The following FGFR2 variants were observed in gnomAD, a reference collection of about 807,000 sequenced individuals.
FGFR2 encodes the protein BEK fibroblast growth factor receptor.
Under a neutral mutation model 95.9 loss-of-function variants are expected in FGFR2, and 19 were observed. That is an observed-to-expected ratio of 0.20 (90% CI 0.14 to 0.29). FGFR2 has a LOEUF of 0.29. FGFR2 is among the 10% of genes least tolerant of loss of function. FGFR2 has a pLI of 1.00. For missense variants in FGFR2, 707 were observed against 1,056.9 expected (o/e 0.67, Z 4.59); for synonymous variants, 392 against 393.3 (o/e 1.00, Z 0.04).
chr10:121,588,846 G>C (rs1245331598), intron 2 of FGFR2, among the ~76,000 whole-genome samples: 1 of 152,122 alleles, frequency 6.6e-6, no homozygotes, highest in East Asian at 1.9e-4. Context: ...AGCCACGTTT[G>C]ACAATGCAGT....
chr10:121,527,985 A>G (rs1174950302), intron 6 of FGFR2: 1 of 152,254 alleles, frequency 6.6e-6, no homozygotes, highest in Non-Finnish European at 1.5e-5. Context: ...CTTCAGGGGA[A>G]GAAAATGTTT....
intron 4 of FGFR2, among the ~76,000 whole-genome samples, chr10:121,559,565 C>T (rs1856656866): frequency 6.6e-6 from 1 of 152,226 alleles, no homozygotes; most frequent in Non-Finnish European, 1.5e-5. Context: ...CTTTAAATAG[C>T]ATCTAATGTT....
At chr10:121,574,357 C>T (rs1159579302) in intron 2 of FGFR2, among the ~76,000 whole-genome samples, 4 of 151,956 alleles carry the variant, frequency 2.6e-5, no homozygotes, top group Admixed American at 6.6e-5. Flanking sequence ...GACGAAACCC[C>T]GTCTCTACTA....
chr10:121,576,679 G>A (rs1859817254), intron 2 of FGFR2, among the ~76,000 whole-genome samples: 1 of 152,122 alleles, frequency 6.6e-6, no homozygotes, highest in Admixed American at 6.5e-5. Context: ...CCTAATGACA[G>A]TGCTCAGCCA....
intron 9 of FGFR2, among the ~76,000 whole-genome samples, chr10:121,506,058 A>C (rs897816741): frequency 3.9e-5 from 6 of 152,118 alleles, no homozygotes; most frequent in Non-Finnish European, 8.8e-5. Context: ...GCTCCAGCCA[A>C]ACTAGTAAGA....
rs528428164 is a variant in FGFR2 at position 121,505,882 on chromosome 10, T to C, written c.1288-1941A>G. Among the ~76,000 whole-genome samples, 41 of 152,294 alleles carry C rather than the reference T, an allele frequency of 2.7e-4. 1 individual carries two copies. The highest frequency in any genetic ancestry group is 9.4e-4 in the African/African-American group (39 of 41,578). Reference sequence around the variant, plus strand: ...GGCCAATGATGCTTCCCCAAATCTTTCTGTCCTCCTAATTCATTCTGCATC... The same window carrying C: ...GGCCAATGATGCTTCCCCAAATCTTCCTGTCCTCCTAATTCATTCTGCATC... On this transcript the variant is annotated intron_variant, in intron 9 of 17. Transcript: ENST00000358487.
In FGFR2 at chr10:121,495,026, C is replaced by T. The variant is rs150871536; in HGVS notation, c.1863+1506G>A. On this transcript the variant is annotated intron_variant, in intron 13 of 17. Coordinates refer to ENST00000358487, the MANE Select transcript of FGFR2 (RefSeq NM_000141.5). ...TCATCGGCCCCCTTTTATCTGGAAC[C>T]GTCTCCCCAGCAGTTTTTGTCTTTC... 1.6e-3 allele frequency among the ~76,000 whole-genome samples: 249 copies of T among 152,222 alleles called. 1 individual carries two copies. Among genetic ancestry groups the T allele is most frequent in the African/African-American group, 5.2e-3 (215 of 41,526 alleles).
intron 5 of FGFR2, among the ~76,000 whole-genome samples, chr10:121,539,644 G>C (rs1853396987): frequency 6.6e-6 from 1 of 152,184 alleles, no homozygotes; most frequent in Non-Finnish European, 1.5e-5. Flanking sequence ...CTCTACAGGT[G>C]TTTTGGACAA....
intron 9 of FGFR2, among the ~76,000 whole-genome samples, chr10:121,510,492 C>G (rs1290401584): frequency 6.6e-6 from 1 of 152,130 alleles, no homozygotes; most frequent in Non-Finnish European, 1.5e-5. Flanking sequence ...AGGTTTAGAC[C>G]ACCTGATTGA....
intron 9 of FGFR2, 54 bp downstream of exon 9, chr10:121,515,063 G>A (rs2134217315): frequency 6.4e-7 from 1 of 1,551,512 alleles, no homozygotes; most frequent in Non-Finnish European, 8.9e-7. Flanking sequence ...AGATCCACAA[G>A]CTGGCTGGGT....
Position 121,500,874 on chromosome 10 carries a change from T to G in FGFR2, c.1513A>C (p.Lys505Gln). 1.2e-6 allele frequency: 2 copies of G among 1,614,234 alleles called. No homozygotes were observed. Among genetic ancestry groups the G allele is most frequent in the Non-Finnish European group, 1.7e-6 (2 of 1,180,040 alleles). The change falls in exon 11 of 18, where the codon AAA becomes CAA. Residue 505 changes from lysine to glutamine, a missense_variant. Lys to Gln is a moderately conservative substitution (Grantham distance 53). Transcript: ENST00000358487. The stretch of plus-strand genomic sequence containing the variant: ...GTGACCGCCTCCTTGGGCTTGTCTT[T>G]GTCAATTCCCACTGCTTCCGCCATG... ...VVMAEAVGIDKDKPKEAVTVA... is the reference protein window; with the variant it reads ...VVMAEAVGIDQDKPKEAVTVA...
At chr10:121,480,440 TGC>T (rs771190996) in intron 17 of FGFR2, 50 of 285,182 alleles carry the variant, frequency 1.8e-4, no homozygotes, top group Non-Finnish European at 2.5e-4. Flanking sequence ...TTGCTTCAAA[TGC>T]GAGCCCCAGC....
chr10:121,502,615 T>C (rs1423760454), intron 10 of FGFR2, among the ~76,000 whole-genome samples: 1 of 152,208 alleles, frequency 6.6e-6, no homozygotes, highest in Admixed American at 6.5e-5. Context: ...CTGGAAGAGC[T>C]TATCTTTGCA....
At chr10:121,580,664 T>C (rs1393240301) in intron 2 of FGFR2, among the ~76,000 whole-genome samples, 1 of 152,146 alleles carries the variant, frequency 6.6e-6, no homozygotes, top group Non-Finnish European at 1.5e-5. Context: ...ACTTTTCTCC[T>C]GTGTTTTGCA....
At chr10:121,565,743 G>A (rs1857583580) in intron 2 of FGFR2, 39 bp from the exon 3 acceptor site, 1 of 1,613,366 alleles carries the variant, frequency 6.2e-7, no homozygotes, top group Non-Finnish European at 8.5e-7. Context: ...AGACAGATGG[G>A]AAGGAGGGAG....
chr10:121,536,286 C>G (rs2134559520), intron 6 of FGFR2, among the ~76,000 whole-genome samples: 1 of 152,318 alleles, frequency 6.6e-6, no homozygotes, highest in Non-Finnish European at 1.5e-5. Context: ...TTTCACACTT[C>G]CATCTTTACT....
chr10:121,550,658 C>T (rs1855256187), intron 5 of FGFR2, among the ~76,000 whole-genome samples: 1 of 152,182 alleles, frequency 6.6e-6, no homozygotes, highest in African/African-American at 2.4e-5. Flanking sequence ...GGAAACTATA[C>T]TGACGCTTCT....
chr10:121,559,419 C>T (rs1029522084), intron 4 of FGFR2, among the ~76,000 whole-genome samples: 1 of 152,232 alleles, frequency 6.6e-6, no homozygotes, highest in African/African-American at 2.4e-5. Flanking sequence ...CCAATTACCC[C>T]GGCCGTGGCA....
At chr10:121,519,304 G>T (rs1442766504) in intron 7 of FGFR2, among the ~76,000 whole-genome samples, 5 of 152,070 alleles carry the variant, frequency 3.3e-5, no homozygotes, top group Admixed American at 6.6e-5. Context: ...AGCAAACCTA[G>T]ATCTAAAAAA....
Sources: gnomAD v4.1 joint callset for allele counts (sites outside exome capture counted in the v4.1 genomes callset) on GRCh38, gnomAD v4.1.1 for gene constraint, MANE v1.5 for transcripts, NCBI Gene and HGNC (gene_info 2026-07-23, HGNC 2026-07-21) for gene names.